TAMM41: variants seen among roughly 807,000 people sequenced by gnomAD.
The protein encoded by TAMM41 is phosphatidate cytidylyltransferase, mitochondrial.
In TAMM41, 36 loss-of-function variants were observed where a neutral mutation model predicts 44.1. The ratio of observed to expected loss-of-function variants is 0.82; its 90% CI spans 0.63 to 1.08. The LOEUF (loss-of-function observed/expected upper bound fraction) is 1.08. TAMM41 is among the 50% of genes least tolerant of loss of function. The pLI, the probability that TAMM41 is intolerant of heterozygous loss-of-function variation, is 0.00. For missense variants in TAMM41, 417 were observed against 404.3 expected (o/e 1.03, Z -0.27); for synonymous variants, 164 against 153.1 (o/e 1.07, Z -0.53).
At chr3:11,768,567 C>G in the TAMM41 span, among the ~76,000 whole-genome samples, 5 of 152,316 alleles carry the variant, frequency 3.3e-5, no homozygotes, top group Admixed American at 3.3e-4. Flanking sequence ...ATTCATTTTC[C>G]AAGTACCTAT....
chr3:11,816,398 T>C (rs2078279127), intron 5 of TAMM41, among the ~76,000 whole-genome samples: 1 of 152,318 alleles, frequency 6.6e-6, no homozygotes, highest in Admixed American at 6.5e-5. Context: ...AGCCCATTAA[T>C]GTATAACAAA....
chr3:11,754,945 C>G, the TAMM41 span, among the ~76,000 whole-genome samples: 1 of 152,004 alleles, frequency 6.6e-6, no homozygotes, highest in Non-Finnish European at 1.5e-5. Context: ...GGTGATCCAC[C>G]TGCCTCGGCC....
At chr3:11,808,058 G>C in intron 6 of TAMM41, 163 bp from the exon 7 acceptor site, 1 of 1,346,184 alleles carries the variant, frequency 7.4e-7, no homozygotes, top group Non-Finnish European at 9.8e-7. Flanking sequence ...AGGGCAGTGG[G>C]ATTGAGGGCC....
chr3:11,843,767 C>G (rs866493840), intron 2 of TAMM41: 2 of 422,160 alleles, frequency 4.7e-6, no homozygotes, highest in African/African-American at 4.0e-5. Context: ...CACCTCCTCA[C>G]ACTGCAATGA....
At chr3:11,805,117 C>A (rs545806630) in intron 7 of TAMM41, among the ~76,000 whole-genome samples, 1 of 151,236 alleles carries the variant, frequency 6.6e-6, no homozygotes, top group East Asian at 1.9e-4. Flanking sequence ...AATTCTCCTG[C>A]CTCAGCCGCT....
chr3:11,839,103 A>T, intron 3 of TAMM41, 119 bp downstream of exon 3: 2 of 595,560 alleles, frequency 3.4e-6, no homozygotes, highest in Non-Finnish European at 5.9e-6. Context: ...GGGAATAGGA[A>T]GAGTCAGAAA....
At chr3:11,727,634 T>G in the TAMM41 span, among the ~76,000 whole-genome samples, 1 of 151,988 alleles carries the variant, frequency 6.6e-6, no homozygotes, top group Admixed American at 6.6e-5. Context: ...TAGGCTAATT[T>G]TTGTATTTTT....
chr3:11,734,395 C>T, the TAMM41 span, among the ~76,000 whole-genome samples: 10 of 152,100 alleles, frequency 6.6e-5, no homozygotes, highest in Non-Finnish European at 1.0e-4. Flanking sequence ...ATATATGAAA[C>T]GGGCACAGAG....
the TAMM41 span, among the ~76,000 whole-genome samples, chr3:11,723,047 C>T: frequency 1.3e-5 from 2 of 152,042 alleles, no homozygotes; most frequent in African/African-American, 4.8e-5. Context: ...CACTTGAACC[C>T]GGGAGGCAGA....
At position 11,827,018 on chromosome 3, in the gene TAMM41, C is replaced by T. The variant is rs114868345; in HGVS notation, c.562+2696G>A. Reference sequence around the variant, plus strand: ...TCACATCCTTCTTGCCTTTTTCACACGTGTTGTTTTTCAAGTCTACCACTG... The same window carrying T: ...TCACATCCTTCTTGCCTTTTTCACATGTGTTGTTTTTCAAGTCTACCACTG... On this transcript the variant is annotated intron_variant, in intron 4 of 7. Coordinates refer to ENST00000455809, the MANE Select transcript of TAMM41 (RefSeq NM_001284401.2). 5.4e-3 allele frequency among the ~76,000 whole-genome samples: 815 copies of T among 152,282 alleles called. 4 individuals carry two copies. The highest frequency in any genetic ancestry group is 0.019 in the African/African-American group (772 of 41,564).
At chr3:11,844,891 T>A (rs392621) in intron 1 of TAMM41, 1 of 456,170 alleles carries the variant, frequency 2.2e-6, no homozygotes, top group Non-Finnish European at 4.4e-6. Context: ...ATGTACTAAC[T>A]GCACTCAGCA....
chr3:11,831,233 C>G (rs1419646799), intron 3 of TAMM41, among the ~76,000 whole-genome samples: 1 of 152,122 alleles, frequency 6.6e-6, no homozygotes, highest in East Asian at 1.9e-4. Context: ...GATGCAACTC[C>G]CAGAGTTCTG....
the TAMM41 span, among the ~76,000 whole-genome samples, chr3:11,768,937 A>G: frequency 6.6e-6 from 1 of 152,246 alleles, no homozygotes; most frequent in African/African-American, 2.4e-5. Context: ...AGAGATATTC[A>G]GACATTTGAC....
At chr3:11,746,586 C>T in the TAMM41 span, among the ~76,000 whole-genome samples, 1 of 150,498 alleles carries the variant, frequency 6.6e-6, no homozygotes, top group Non-Finnish European at 1.5e-5. Flanking sequence ...AAACATTATG[C>T]TGGGGGAAAA....
the TAMM41 span, among the ~76,000 whole-genome samples, chr3:11,779,139 C>T: frequency 1.3e-5 from 2 of 152,124 alleles, no homozygotes; most frequent in African/African-American, 2.4e-5. Context: ...GCCTGGCACC[C>T]GCCTTTTCCA....
chr3:11,723,885 A>G, the TAMM41 span, among the ~76,000 whole-genome samples: 1 of 151,958 alleles, frequency 6.6e-6, no homozygotes, highest in South Asian at 2.1e-4. Context: ...AAACAAAATA[A>G]TCAAGGGGGT....
the TAMM41 span, among the ~76,000 whole-genome samples, chr3:11,756,350 C>T: frequency 9.5e-3 from 1,441 of 152,236 alleles, 12 homozygotes; most frequent in Non-Finnish European, 0.011. Context: ...GATGTGCTGG[C>T]CATGCAGAGG....
chr3:11,769,278 T>C, the TAMM41 span, among the ~76,000 whole-genome samples: 2 of 152,020 alleles, frequency 1.3e-5, no homozygotes, highest in Non-Finnish European at 2.9e-5. Context: ...TTAGTAAAGA[T>C]GGGGTTTCAC....
Position 11,790,577 on chromosome 3 carries a change from C to G in TAMM41, c.942G>C (p.Leu314=). The stretch of plus-strand genomic sequence containing the variant: ...GTGAACTATAAATCACTGACTTCTT[C>G]AGGCCTAAAAGAGAAAAGATGAGAA... The part of the protein sequence containing the change: ...QSTKGIFTAG[L]KKSVIYSSLK... The change falls in exon 8 of 8, where the codon CTG becomes CTC. Residue 314 remains leucine (L), a synonymous_variant. Transcript: ENST00000455809. 6.2e-7 allele frequency: 1 copy of G among 1,613,654 alleles called. No homozygotes were observed. The highest frequency in any genetic ancestry group is 8.5e-7 in the Non-Finnish European group (1 of 1,179,736).
Sources: gnomAD v4.1 joint callset for allele counts (sites outside exome capture counted in the v4.1 genomes callset) on GRCh38, gnomAD v4.1.1 for gene constraint, MANE v1.5 for transcripts, NCBI Gene and HGNC (gene_info 2026-07-23, HGNC 2026-07-21) for gene names.